The following SCHIP1 variants were observed in gnomAD, a reference collection of about 807,000 sequenced individuals.
The protein encoded by SCHIP1 is schwannomin interacting protein 1.
A neutral mutation model predicts 29.7 loss-of-function variants in SCHIP1; 8 were observed. That is an observed-to-expected ratio of 0.27 (90% CI 0.16 to 0.49). The LOEUF (loss-of-function observed/expected upper bound fraction) is 0.49. SCHIP1 is among the 20% of genes least tolerant of loss of function. SCHIP1 has a pLI of 0.99. For synonymous variants in SCHIP1, 76 were observed against 94.9 expected, an observed-to-expected ratio of 0.80 and a Z score of 1.16; for missense variants, 193 against 294.6, an observed-to-expected ratio of 0.66 and a Z score of 2.52.
At chr3:159,273,987 A>G in the SCHIP1 span, 45 of 1,522,782 alleles carry the variant, frequency 3.0e-5, no homozygotes, top group Non-Finnish European at 3.8e-5. Flanking sequence ...ATTTAAGCTG[A>G]TGGCCTTCAT....
At chr3:159,293,294 G>T in the SCHIP1 span, among the ~76,000 whole-genome samples, 1 of 152,144 alleles carries the variant, frequency 6.6e-6, no homozygotes, top group Non-Finnish European at 1.5e-5. Context: ...GCCCAGCCAT[G>T]TTCCCATGTG....
chr3:159,300,198 C>G, the SCHIP1 span, among the ~76,000 whole-genome samples: 2,023 of 138,526 alleles, frequency 0.015, 19 homozygotes, highest in Non-Finnish European at 0.022. Flanking sequence ...TCGTAGCTCA[C>G]TGCAGCTCAA....
At chr3:159,748,730 G>A in the SCHIP1 span, among the ~76,000 whole-genome samples, 1 of 152,210 alleles carries the variant, frequency 6.6e-6, no homozygotes, top group Non-Finnish European at 1.5e-5. Flanking sequence ...GAATAATCTG[G>A]ACTTGCCCCT....
Position 159,866,145 on chromosome 3 carries a change from A to C in SCHIP1, c.31-18A>C. 3.1e-6 allele frequency: 5 copies of C among 1,610,408 alleles called. No individual in the cohort carries two copies. The highest frequency in any genetic ancestry group is 1.7e-6 in the Non-Finnish European group (2 of 1,177,806). On this transcript the variant is annotated intron_variant, in intron 1 of 6. Coordinates refer to ENST00000445224, the Ensembl canonical transcript of SCHIP1. ...ATCTGCCCACTTATCAGCATTTTTTATTTTCTTGAAATTTTAGGCACAGAA... is the reference window on the plus strand; with the variant it reads ...ATCTGCCCACTTATCAGCATTTTTTCTTTTCTTGAAATTTTAGGCACAGAA...
chr3:159,600,683 T>C, the SCHIP1 span, among the ~76,000 whole-genome samples: 1 of 152,244 alleles, frequency 6.6e-6, no homozygotes, highest in African/African-American at 2.4e-5. Context: ...ACATTTTCTT[T>C]TTAAGATTTA....
the SCHIP1 span, among the ~76,000 whole-genome samples, chr3:159,498,173 G>A: frequency 6.6e-6 from 1 of 152,114 alleles, no homozygotes; most frequent in African/African-American, 2.4e-5. Context: ...AAAAAGATCA[G>A]CCAATTAACT....
At chr3:159,421,586 T>C in the SCHIP1 span, among the ~76,000 whole-genome samples, 2 of 152,260 alleles carry the variant, frequency 1.3e-5, no homozygotes. Context: ...ATATGTCTAA[T>C]GCCAGGGGAG....
chr3:159,601,250 C>T, the SCHIP1 span, among the ~76,000 whole-genome samples: 1 of 152,146 alleles, frequency 6.6e-6, no homozygotes, highest in South Asian at 2.1e-4. Flanking sequence ...GTGGGACTAC[C>T]CTCTGGGTCT....
chr3:159,826,783 A>G, the SCHIP1 span, among the ~76,000 whole-genome samples: 1 of 152,304 alleles, frequency 6.6e-6, no homozygotes. Flanking sequence ...CAACAAGTGA[A>G]CACTTTGTGG....
the SCHIP1 span, among the ~76,000 whole-genome samples, chr3:159,648,900 A>G: frequency 4.6e-5 from 7 of 151,744 alleles, no homozygotes; most frequent in South Asian, 1.5e-3. Flanking sequence ...AGAGAGAGAG[A>G]ATGTTCTATC....
chr3:159,708,505 G>T, the SCHIP1 span, among the ~76,000 whole-genome samples: 1 of 152,292 alleles, frequency 6.6e-6, no homozygotes, highest in East Asian at 1.9e-4. Flanking sequence ...ATTGAAATAG[G>T]CACGAATGAA....
At chr3:159,703,435 C>T in the SCHIP1 span, among the ~76,000 whole-genome samples, 2 of 152,050 alleles carry the variant, frequency 1.3e-5, no homozygotes, top group African/African-American at 4.8e-5. Context: ...GGATTTTTCC[C>T]AGGATTTGTA....
the SCHIP1 span, among the ~76,000 whole-genome samples, chr3:159,436,629 G>T: frequency 2.0e-5 from 3 of 152,110 alleles, no homozygotes; most frequent in African/African-American, 7.2e-5. Flanking sequence ...AACTTGGAGG[G>T]TAGAGTCTAT....
the SCHIP1 span, among the ~76,000 whole-genome samples, chr3:159,716,133 T>G: frequency 6.6e-6 from 1 of 152,204 alleles, no homozygotes; most frequent in Non-Finnish European, 1.5e-5. Context: ...ACCCAGAATT[T>G]CATATCCAGC....
the SCHIP1 span, among the ~76,000 whole-genome samples, chr3:159,707,530 T>C: frequency 6.6e-6 from 1 of 152,216 alleles, no homozygotes; most frequent in African/African-American, 2.4e-5. Context: ...AGTTATTTAT[T>C]GAAGGTAGAA....
At chr3:159,830,502 G>A in the SCHIP1 span, among the ~76,000 whole-genome samples, 1 of 152,112 alleles carries the variant, frequency 6.6e-6, no homozygotes, top group Non-Finnish European at 1.5e-5. Flanking sequence ...ACCAAGGTCA[G>A]AATAGTCCAA....
At chr3:159,490,384 C>CT in the SCHIP1 span, among the ~76,000 whole-genome samples, 2 of 152,138 alleles carry the variant, frequency 1.3e-5, no homozygotes, top group Non-Finnish European at 2.9e-5. Context: ...CAAATTTTTA[C>CT]TTTCAAATAA....
chr3:159,384,008 G>T, the SCHIP1 span, among the ~76,000 whole-genome samples: 1 of 151,258 alleles, frequency 6.6e-6, no homozygotes, highest in South Asian at 2.1e-4. Flanking sequence ...GAGATTTTGG[G>T]CTGAGACAAT....
the SCHIP1 span, among the ~76,000 whole-genome samples, chr3:159,492,450 G>A: frequency 5.9e-5 from 9 of 152,200 alleles, no homozygotes; most frequent in African/African-American, 9.7e-5. Context: ...ACTACGTGAC[G>A]AATGCACAAG....
Sources: allele counts gnomAD v4.1 joint callset (sites outside exome capture counted in the v4.1 genomes callset), GRCh38; gene constraint gnomAD v4.1.1; transcripts MANE v1.5; gene names NCBI Gene and HGNC (gene_info 2026-07-23, HGNC 2026-07-21).